The following FHIT variants were observed in gnomAD, a reference collection of about 807,000 sequenced individuals.
FHIT encodes bis(5'-adenosyl)-triphosphatase.
Under a neutral mutation model 17.9 loss-of-function variants are expected in FHIT, and 19 were observed. That is an observed-to-expected ratio of 1.06 (90% confidence interval 0.74 to 1.56). The LOEUF (loss-of-function observed/expected upper bound fraction) is 1.56, where lower values mean the gene tolerates loss of function less well. Ranked by LOEUF, FHIT falls within the 40% of genes most tolerant of loss-of-function variation. The pLI is 0.00. For synonymous variants in FHIT, 81 were observed against 69.7 expected (o/e 1.16, Z -0.81); for missense variants, 248 against 189.2 (o/e 1.31, Z -1.82).
intron 5 of FHIT, among the ~76,000 whole-genome samples, chr3:60,411,333 G>A (rs1384474380): frequency 2.6e-5 from 4 of 152,132 alleles, no homozygotes. Context: ...AGCATTCATT[G>A]TAGGGAAAAA....
intron 3 of FHIT, among the ~76,000 whole-genome samples, chr3:60,895,982 C>A (rs1336570252): frequency 6.6e-6 from 1 of 152,012 alleles, no homozygotes; most frequent in Middle Eastern, 3.4e-3. Context: ...CTGTTAGGAA[C>A]TGGCTGCACA....
intron 4 of FHIT, among the ~76,000 whole-genome samples, chr3:60,740,312 A>G (rs2042216495): frequency 6.6e-6 from 1 of 152,154 alleles, no homozygotes. Context: ...TTTGCTTGTT[A>G]CGTGACCCCT....
chr3:59,854,024 T>C (rs1229237422), intron 8 of FHIT, among the ~76,000 whole-genome samples: 1 of 150,946 alleles, frequency 6.6e-6, no homozygotes. Context: ...AGAACAGACT[T>C]CTAAAAAAAA....
At chr3:60,059,215 C>T (rs995870046) in intron 5 of FHIT, among the ~76,000 whole-genome samples, 1 of 152,160 alleles carries the variant, frequency 6.6e-6, no homozygotes, top group Non-Finnish European at 1.5e-5. Flanking sequence ...AACTGGTAAT[C>T]AGCAGTTTTC....
chr3:60,555,992 C>T (rs1256819925), intron 4 of FHIT, among the ~76,000 whole-genome samples: 2 of 152,326 alleles, frequency 1.3e-5, no homozygotes, highest in African/African-American at 4.8e-5. Context: ...CTGGCTATTG[C>T]CTTCCTTATA....
chr3:61,241,780 GTA>G (rs1476661815), intron 1 of FHIT, among the ~76,000 whole-genome samples: 5 of 152,188 alleles, frequency 3.3e-5, no homozygotes, highest in Admixed American at 2.6e-4. Flanking sequence ...CTGAAAATGT[GTA>G]TCTTTTGTGA....
At chr3:60,086,427 T>C (rs1438063204) in intron 5 of FHIT, among the ~76,000 whole-genome samples, 1 of 152,190 alleles carries the variant, frequency 6.6e-6, no homozygotes, top group Non-Finnish European at 1.5e-5. Context: ...TTCATCTCAA[T>C]AGTCCCAAAA....
intron 8 of FHIT, among the ~76,000 whole-genome samples, chr3:59,797,457 G>A (rs1699822750): frequency 6.6e-6 from 1 of 152,178 alleles, no homozygotes; most frequent in South Asian, 2.1e-4. Context: ...AAAATGTTGG[G>A]ATTACAGGTT....
chr3:60,593,659 A>G (rs1057271401), intron 4 of FHIT, among the ~76,000 whole-genome samples: 29 of 152,088 alleles, frequency 1.9e-4, no homozygotes, highest in African/African-American at 6.5e-4. Flanking sequence ...ATTGTCTGAC[A>G]CTATGTCTGA....
chr3:60,326,953 A>T (rs1427003099), intron 5 of FHIT, among the ~76,000 whole-genome samples: 1 of 152,198 alleles, frequency 6.6e-6, no homozygotes, highest in Non-Finnish European at 1.5e-5. Context: ...GTATCTGGCA[A>T]TGTTAATTAT....
At chr3:61,157,630 A>C (rs2107079015) in intron 2 of FHIT, among the ~76,000 whole-genome samples, 1 of 152,298 alleles carries the variant, frequency 6.6e-6, no homozygotes, top group South Asian at 2.1e-4. Flanking sequence ...GATAGTCAGA[A>C]GAAAGGGGTG....
chr3:60,987,885 T>G (rs1222468035), intron 3 of FHIT, among the ~76,000 whole-genome samples: 3 of 152,208 alleles, frequency 2.0e-5, no homozygotes, highest in Non-Finnish European at 2.9e-5. Flanking sequence ...TATCTGTCCT[T>G]TGTTCTTGGT....
chr3:60,907,571 G>T (rs1553764866), intron 3 of FHIT, among the ~76,000 whole-genome samples: 1 of 152,156 alleles, frequency 6.6e-6, no homozygotes, highest in Non-Finnish European at 1.5e-5. Flanking sequence ...CATGTGGAGA[G>T]TGATAACAGT....
At chr3:60,785,468 A>G (rs1311501257) in intron 4 of FHIT, among the ~76,000 whole-genome samples, 2 of 152,186 alleles carry the variant, frequency 1.3e-5, no homozygotes, top group African/African-American at 2.4e-5. Context: ...CATTTTGCCA[A>G]CATTCACTGT....
At chr3:60,089,135 G>A (rs566916982) in intron 5 of FHIT, among the ~76,000 whole-genome samples, 7 of 152,088 alleles carry the variant, frequency 4.6e-5, no homozygotes, top group Non-Finnish European at 1.0e-4. Flanking sequence ...AATTCCACAC[G>A]GTTCCACAGG....
intron 5 of FHIT, among the ~76,000 whole-genome samples, chr3:60,102,852 A>T (rs561662719): frequency 2.0e-5 from 3 of 152,270 alleles, no homozygotes; most frequent in Admixed American, 2.0e-4. Flanking sequence ...TACATATCAA[A>T]CCACACAAGT....
At chr3:60,012,254 GT>G (rs1411614250) in intron 6 of FHIT, among the ~76,000 whole-genome samples, 297 of 132,326 alleles carry the variant, frequency 2.2e-3, no homozygotes, top group African/African-American at 7.8e-3. Context: ...TAAATCAGGT[GT>G]TTTTTTTGTT....
rs138526661 is a variant in FHIT, at chr3:60,686,007, C to T, written c.-18+135912G>A. 2.9e-4 allele frequency among the ~76,000 whole-genome samples: 44 copies of T among 152,216 alleles called. 1 individual carries two copies. Among genetic ancestry groups the T allele is most frequent in the African/African-American group, 1.0e-3 (42 of 41,552 alleles). ...ATTTTTTACAGTGTAAGTTGGTCTGCTGGCAATAAATATTCTGTTTTTGTT... is the reference window on the plus strand; with the variant it reads ...ATTTTTTACAGTGTAAGTTGGTCTGTTGGCAATAAATATTCTGTTTTTGTT... On this transcript the variant is annotated intron_variant, in intron 4 of 9. Transcript: ENST00000492590.
chr3:59,899,977 T>C (rs970606721), intron 8 of FHIT, among the ~76,000 whole-genome samples: 2 of 152,174 alleles, frequency 1.3e-5, no homozygotes, highest in Non-Finnish European at 2.9e-5. Flanking sequence ...GGTAAACAAA[T>C]GAGTATGGCC....
Sources: gnomAD v4.1 joint callset for allele counts (sites outside exome capture counted in the v4.1 genomes callset) on GRCh38, gnomAD v4.1.1 for gene constraint, MANE v1.5 for transcripts, NCBI Gene and HGNC (gene_info 2026-07-23, HGNC 2026-07-21) for gene names.